The following ELF5 variants were observed in gnomAD, a reference collection of about 807,000 sequenced individuals.
ELF5 encodes the protein ETS-related transcription factor Elf-5.
ELF5 carries 31 observed loss-of-function variants against 38.2 expected under a neutral mutation model. The observed-to-expected ratio is 0.81, with a 90% CI of 0.61 to 1.10. The LOEUF is 1.10. Ranked by LOEUF, ELF5 falls within the 50% of genes least tolerant of loss-of-function variation. The pLI, the probability that ELF5 is intolerant of heterozygous loss-of-function variation, is 0.00. For missense variants in ELF5, 300 were observed against 306.6 expected (o/e 0.98, Z 0.16); for synonymous variants, 121 against 112.5 (o/e 1.08, Z -0.48).
In ELF5 at chr11:34,480,858, C is replaced by T. The variant is rs765888881; in HGVS notation, c.585G>A (p.Val195=). Reference sequence around the variant, plus strand: ...TCTTTGCCAGGGCTTCCGATTTAACCACCCGAAAAATTCCTTGTTCCCTAT... The same window carrying T: ...TCTTTGCCAGGGCTTCCGATTTAACTACCCGAAAAATTCCTTGTTCCCTAT... ...WEDREQGIFR[V]VKSEALAKMW... Residue 195 remains valine (V), a synonymous_variant, in exon 6 of 7, where the codon GTG becomes GTA. Coordinates refer to ENST00000257832, the MANE Select transcript of ELF5 (RefSeq NM_001422.4). 1.1e-5 allele frequency: 18 copies of T among 1,614,074 alleles called. No individual in the cohort carries two copies. Among genetic ancestry groups the T allele is most frequent in the East Asian group, 2.2e-5 (1 of 44,878 alleles).
intron 2 of ELF5, among the ~76,000 whole-genome samples, chr11:34,495,741 C>T (rs1850300262): frequency 6.6e-6 from 1 of 152,218 alleles, no homozygotes; most frequent in African/African-American, 2.4e-5. Context: ...CCGGTGAGAC[C>T]GATGACTCAG....
chr11:34,502,938 A>C (rs1371640186), intron 2 of ELF5, among the ~76,000 whole-genome samples: 1 of 152,170 alleles, frequency 6.6e-6, no homozygotes, highest in Non-Finnish European at 1.5e-5. Context: ...GCTGTGTCTG[A>C]ATGTCTAAGA....
chr11:34,482,445 CTG>C lies in ELF5; in HGVS notation c.459_460del (p.His153GlnfsTer3). On this transcript the variant is annotated frameshift_variant, in exon 5 of 7. Coordinates refer to ENST00000257832, the MANE Select transcript of ELF5 (RefSeq NM_001422.4). LOFTEE classifies it high-confidence loss of function. Reference sequence around the variant, plus strand: ...CCTGCACTTACTTGTTCTACTATGACTGTGACAGTCTTGACTTTTGATGCCAC... The same window carrying C: ...CCTGCACTTACTTGTTCTACTATGACTGACAGTCTTGACTTTTGATGCCAC... The C allele has an allele frequency of 6.2e-7, 1 of 1,612,900 alleles. No homozygotes were observed. Among genetic ancestry groups the C allele is most frequent in the Non-Finnish European group, 8.5e-7 (1 of 1,179,786 alleles).
intron 1 of ELF5, chr11:34,511,675 C>G (rs747833056): frequency 1.2e-4 from 168 of 1,418,046 alleles, no homozygotes; most frequent in Non-Finnish European, 1.6e-4. Flanking sequence ...GAGGGACAGG[C>G]CTGTGGGCTT....
intron 4 of ELF5, among the ~76,000 whole-genome samples, chr11:34,483,868 T>TTACTGTACTG (rs56656761): frequency 6.6e-6 from 1 of 150,840 alleles, no homozygotes; most frequent in Non-Finnish European, 1.5e-5. Flanking sequence ...AACTATTCTA[T>TTACTGTACTG]TACTGTACTG....
intron 4 of ELF5, among the ~76,000 whole-genome samples, chr11:34,486,266 G>T (rs1849994477): frequency 6.6e-6 from 1 of 152,100 alleles, no homozygotes; most frequent in South Asian, 2.1e-4. Flanking sequence ...CTGTAGGCTT[G>T]GTTCCTGGGC....
At position 34,489,951 on chromosome 11, in the gene ELF5, C is replaced by A. The variant is rs1850118797; in HGVS notation, c.406+58G>T. ...GTATGATCCTAAAAGAATGGTCAAG[C>A]CCATGTACCAATGACAACCTTGACA... On this transcript the variant is annotated intron_variant, in intron 4 of 6. Transcript: ENST00000257832. The A allele has an allele frequency of 2.5e-6, 4 of 1,581,578 alleles. No homozygotes were observed. In the South Asian group the frequency reaches 3.3e-5, roughly 13 times the overall value.
intron 5 of ELF5, 85 bp from the exon 6 acceptor site, chr11:34,481,052 T>A: frequency 2.7e-6 from 3 of 1,113,434 alleles, no homozygotes; most frequent in Non-Finnish European, 3.6e-6. Flanking sequence ...AGACAGAGTC[T>A]TGCTCTGTCG....
chr11:34,497,487 C>G (rs1445411048), intron 2 of ELF5, among the ~76,000 whole-genome samples: 1 of 152,194 alleles, frequency 6.6e-6, no homozygotes, highest in Non-Finnish European at 1.5e-5. Flanking sequence ...TTCAGAAATT[C>G]TAGGGGAATT....
At chr11:34,496,999 T>C (rs375153577) in intron 2 of ELF5, among the ~76,000 whole-genome samples, 1 of 152,124 alleles carries the variant, frequency 6.6e-6, no homozygotes, top group Non-Finnish European at 1.5e-5. Context: ...TAATTGTAAT[T>C]ATAAATAATG....
chr11:34,480,985 A>T lies in ELF5; in HGVS notation c.476-18T>A. The stretch of plus-strand genomic sequence containing the variant: ...TTGGAGGCCTTTTGAAAAGGGGAAA[A>T]CATTAACTATTTACCATTGTTTTTT... On this transcript the variant is annotated intron_variant, in intron 5 of 6. Coordinates refer to ENST00000257832, the MANE Select transcript of ELF5 (RefSeq NM_001422.4). 3.2e-6 allele frequency: 5 copies of T among 1,550,106 alleles called. No homozygotes were observed. The highest frequency in any genetic ancestry group is 4.3e-6 in the Non-Finnish European group (5 of 1,150,582).
intron 1 of ELF5, among the ~76,000 whole-genome samples, chr11:34,508,845 G>A (rs1564987198): frequency 6.6e-6 from 1 of 152,200 alleles, no homozygotes; most frequent in Non-Finnish European, 1.5e-5. Flanking sequence ...TAAGTGGCAG[G>A]GAGGTCCTTA....
chr11:34,482,390 G>T, intron 5 of ELF5, 41 bp downstream of exon 5: 2 of 1,577,026 alleles, frequency 1.3e-6, no homozygotes, highest in South Asian at 2.2e-5. Flanking sequence ...CTGAGGAATG[G>T]TTTTAAGAAA....
rs1328480760 is a variant in ELF5, at chr11:34,479,223, G to A, written c.*995C>T. On this transcript the variant is annotated 3_prime_UTR_variant, in exon 7 of 7. Transcript: ENST00000257832. ...ATTACAGAGTTGTTAGGACATTTCCGGTTTTATAAACGTTTAACATCTGGA... is the reference window on the plus strand; with the variant it reads ...ATTACAGAGTTGTTAGGACATTTCCAGTTTTATAAACGTTTAACATCTGGA... 6.6e-6 allele frequency: 1 copy of A among 152,548 alleles called. No individual in the cohort carries two copies. Among genetic ancestry groups the A allele is most frequent in the African/African-American group, 2.4e-5 (1 of 41,410 alleles). The allele number at this position is 152,548 out of a possible 1,614,324, so 9.4% of individuals were successfully genotyped here.
intron 1 of ELF5, among the ~76,000 whole-genome samples, chr11:34,506,905 AGTGT>A (rs796972457): frequency 3.0e-4 from 46 of 152,288 alleles, no homozygotes; most frequent in African/African-American, 1.0e-3. Context: ...ACTGAAAGGA[AGTGT>A]GTGTGTACGT....
intron 5 of ELF5, among the ~76,000 whole-genome samples, 199 bp from the exon 6 acceptor site, chr11:34,481,166 G>T (rs1051016735): frequency 1.3e-5 from 2 of 151,960 alleles, no homozygotes; most frequent in African/African-American, 4.8e-5. Context: ...GGGATTATAG[G>T]TGCCTACCAT....
chr11:34,501,959 C>T (rs10488737), intron 2 of ELF5, among the ~76,000 whole-genome samples: 20,016 of 151,906 alleles, frequency 0.13, 1,470 homozygotes, highest in Admixed American at 0.21. Flanking sequence ...AATATCTAAG[C>T]TGTTAAAAAT....
intron 1 of ELF5, among the ~76,000 whole-genome samples, chr11:34,508,505 A>T (rs1268613829): frequency 6.6e-6 from 1 of 152,080 alleles, no homozygotes; most frequent in Non-Finnish European, 1.5e-5. Flanking sequence ...TATGTCTCAC[A>T]AAAAAATAAA....
chr11:34,480,484 G>C (rs1179112566), intron 6 of ELF5, among the ~76,000 whole-genome samples, 170 bp from the exon 7 acceptor site: 7 of 152,084 alleles, frequency 4.6e-5, no homozygotes, highest in Admixed American at 4.6e-4. Context: ...CAGACATCTT[G>C]AAGACTGAAC....
Sources: gnomAD v4.1 joint callset for allele counts (sites outside exome capture counted in the v4.1 genomes callset) on GRCh38, gnomAD v4.1.1 for gene constraint, MANE v1.5 for transcripts, NCBI Gene and HGNC (gene_info 2026-07-23, HGNC 2026-07-21) for gene names.